ALDH1A2: variants seen among roughly 807,000 people sequenced by gnomAD.
The protein encoded by ALDH1A2 is retinal dehydrogenase 2.
A neutral mutation model predicts 60.3 loss-of-function variants in ALDH1A2; 27 were observed. That is an observed-to-expected ratio of 0.45 (90% CI 0.33 to 0.62). ALDH1A2 has a LOEUF of 0.62. Ranked by LOEUF, ALDH1A2 falls within the 20% of genes least tolerant of loss-of-function variation. The pLI is 0.02. For synonymous variants in ALDH1A2, 289 were observed against 232.4 expected (o/e 1.24, Z -2.21); for missense variants, 581 against 643.8 (o/e 0.90, Z 1.06).
chr15:57,991,550 A>G (rs1392102456), intron 7 of ALDH1A2: 1 of 152,248 alleles, frequency 6.6e-6, no homozygotes, highest in Non-Finnish European at 1.5e-5. Flanking sequence ...GGTAGCACGC[A>G]TGGCAATGGA....
chr15:57,973,298 G>T (rs1894132515), intron 7 of ALDH1A2, among the ~76,000 whole-genome samples: 1 of 152,196 alleles, frequency 6.6e-6, no homozygotes, highest in East Asian at 1.9e-4. Context: ...TGCATAAGGA[G>T]AAATTAATCC....
At chr15:58,017,838 T>C (rs1178900517) in intron 1 of ALDH1A2, among the ~76,000 whole-genome samples, 5 of 152,178 alleles carry the variant, frequency 3.3e-5, no homozygotes, top group African/African-American at 1.2e-4. Flanking sequence ...AATGAATACA[T>C]TGAAACCAGA....
At chr15:57,955,890 C>T (rs3742960) in intron 12 of ALDH1A2, among the ~76,000 whole-genome samples, 70,612 of 151,912 alleles carry the variant, frequency 0.46, 16,941 homozygotes, top group Non-Finnish European at 0.54. Context: ...CCTTTTTTCC[C>T]CTTATCTAAT....
intron 3 of ALDH1A2, among the ~76,000 whole-genome samples, chr15:58,011,425 A>C (rs1895629893): frequency 1.3e-5 from 2 of 152,214 alleles, no homozygotes; most frequent in African/African-American, 4.8e-5. Context: ...TTTACATTAT[A>C]AACATTGTTA....
intron 7 of ALDH1A2, among the ~76,000 whole-genome samples, chr15:57,968,797 A>C (rs1206816786): frequency 1.3e-5 from 2 of 152,234 alleles, no homozygotes; most frequent in African/African-American, 4.8e-5. Context: ...GATATTCATC[A>C]GACCATTCTA....
chr15:58,043,333 T>C (rs1328544701), intron 1 of ALDH1A2, among the ~76,000 whole-genome samples: 6 of 152,024 alleles, frequency 3.9e-5, no homozygotes, highest in Non-Finnish European at 7.4e-5. Context: ...TTAAATCTAT[T>C]GCCATCCCTT....
chr15:58,022,979 C>A (rs1232764113), intron 1 of ALDH1A2, among the ~76,000 whole-genome samples: 1 of 152,142 alleles, frequency 6.6e-6, no homozygotes, highest in Non-Finnish European at 1.5e-5. Context: ...AAAGGAACAC[C>A]ATACTCCATC....
chr15:57,958,214 G>GCGCACACACACACACACACACACA (rs67551670), intron 12 of ALDH1A2, among the ~76,000 whole-genome samples: 238 of 151,816 alleles, frequency 1.6e-3, no homozygotes, highest in Admixed American at 0.01. Context: ...GTACACGCAC[G>GCGCACACACACACACACACACACA]CACACACACA....
At chr15:58,030,259 C>A (rs1174266479) in intron 1 of ALDH1A2, among the ~76,000 whole-genome samples, 1 of 152,108 alleles carries the variant, frequency 6.6e-6, no homozygotes, top group South Asian at 2.1e-4. Context: ...AAATATAATC[C>A]ATCGCATAAA....
intron 1 of ALDH1A2, among the ~76,000 whole-genome samples, chr15:58,033,219 C>T (rs1896290721): frequency 6.6e-6 from 1 of 151,922 alleles, no homozygotes; most frequent in African/African-American, 2.4e-5. Context: ...CATTTACCCC[C>T]ATAAATATGT....
At chr15:58,042,912 T>C (rs940783097) in intron 1 of ALDH1A2, among the ~76,000 whole-genome samples, 4 of 152,102 alleles carry the variant, frequency 2.6e-5, no homozygotes, top group Admixed American at 6.5e-5. Context: ...TGCAGTCTTC[T>C]CACCTGGCCA....
intron 7 of ALDH1A2, among the ~76,000 whole-genome samples, chr15:57,977,269 G>C (rs948438720): frequency 2.6e-5 from 4 of 152,032 alleles, no homozygotes; most frequent in Non-Finnish European, 4.4e-5. Flanking sequence ...GATCCCGTTT[G>C]TCAATTTTGG....
chr15:58,044,315 C>G (rs1896588549), intron 1 of ALDH1A2, among the ~76,000 whole-genome samples: 1 of 151,900 alleles, frequency 6.6e-6, no homozygotes, highest in Non-Finnish European at 1.5e-5. Context: ...CTGCCCCCAC[C>G]CACCGACATG....
intron 7 of ALDH1A2, among the ~76,000 whole-genome samples, chr15:57,976,291 T>G (rs1294039832): frequency 2.0e-5 from 3 of 152,214 alleles, no homozygotes; most frequent in Non-Finnish European, 4.4e-5. Context: ...CAGCACTGTA[T>G]TTTTTAAAAT....
intron 7 of ALDH1A2, chr15:57,990,068 T>C (rs1244075542): frequency 1.3e-5 from 2 of 150,636 alleles, no homozygotes; most frequent in Admixed American, 1.3e-4. Flanking sequence ...AGGAGAAGAC[T>C]ACATGAGAAT....
intron 12 of ALDH1A2, among the ~76,000 whole-genome samples, chr15:57,956,836 G>C (rs953583179): frequency 6.6e-6 from 1 of 152,086 alleles, no homozygotes; most frequent in Non-Finnish European, 1.5e-5. Context: ...GGCAGGTCGC[G>C]AGCCACACTT....
At chr15:58,029,805 C>G (rs1896182394) in intron 1 of ALDH1A2, among the ~76,000 whole-genome samples, 2 of 152,180 alleles carry the variant, frequency 1.3e-5, no homozygotes, top group South Asian at 4.1e-4. Context: ...GGATAAATTC[C>G]TGGACACATA....
At chr15:57,982,057 T>C (rs1471772594) in intron 7 of ALDH1A2, among the ~76,000 whole-genome samples, 1 of 152,194 alleles carries the variant, frequency 6.6e-6, no homozygotes, top group Non-Finnish European at 1.5e-5. Context: ...TATAATGGCA[T>C]TAATCTATTA....
chr15:57,960,845 C>G lies in ALDH1A2; in HGVS notation c.1410-1G>C. The G allele has an allele frequency of 6.2e-7, 1 of 1,613,694 alleles. No individual in the cohort carries two copies. Among genetic ancestry groups the G allele is most frequent in the Non-Finnish European group, 8.5e-7 (1 of 1,179,658 alleles). On this transcript the variant is annotated splice_acceptor_variant, in intron 11 of 12. Coordinates refer to ENST00000249750, the MANE Select transcript of ALDH1A2 (RefSeq NM_003888.4). LOFTEE classifies it high-confidence loss of function. ...ATTTAAGGCATTGTAACAATTGATCCTGAAAGAAGAAAACATAGCACTGTG... is the reference window on the plus strand; with the variant it reads ...ATTTAAGGCATTGTAACAATTGATCGTGAAAGAAGAAAACATAGCACTGTG...
Sources: allele counts gnomAD v4.1 joint callset (sites outside exome capture counted in the v4.1 genomes callset), GRCh38; gene constraint gnomAD v4.1.1; transcripts MANE v1.5; gene names NCBI Gene and HGNC (gene_info 2026-07-23, HGNC 2026-07-21).